AATK: variants seen among roughly 807,000 people sequenced by gnomAD.
AATK encodes lemur tail kinase 1.
In AATK, 91 loss-of-function variants were observed where a neutral mutation model predicts 114.3. The ratio of observed to expected loss-of-function variants is 0.80; its 90% CI spans 0.67 to 0.95. The LOEUF (loss-of-function observed/expected upper bound fraction) is 0.95, where lower values mean the gene tolerates loss of function less well. Among genes scored for constraint, AATK ranks in the 40% least tolerant of loss-of-function variants. The probability of loss-of-function intolerance (pLI) is 0.00; values close to 1 mark genes in which losing one functional copy is unlikely to be tolerated. For synonymous variants in AATK, 1,075 were observed against 916.5 expected, an observed-to-expected ratio of 1.17 and a Z score of -3.12; for missense variants, 2,176 against 1,965.2, an observed-to-expected ratio of 1.11 and a Z score of -2.03.
At position 81,155,675 on chromosome 17, in the gene AATK, C is replaced by T. The variant is rs377114493; in HGVS notation, c.55+10263G>A. Among the ~76,000 whole-genome samples the T allele has an allele frequency of 3.3e-5, 5 of 150,858 alleles. No individual in the cohort carries two copies. In the East Asian group the frequency reaches 9.8e-4, roughly 30 times the overall value. The stretch of plus-strand genomic sequence containing the variant: ...CTGGGATTGCAGGCATGAGCCAGCG[C>T]GCCCGACCTATAATATTTCTTTTTT... On this transcript the variant is annotated intron_variant, in intron 1 of 13. Transcript: ENST00000326724.
rs2061345789 is a variant in AATK, at chr17:81,155,191, T to G, written c.55+10747A>C. 3.9e-5 allele frequency among the ~76,000 whole-genome samples: 6 copies of G among 152,312 alleles called. No homozygotes were observed. In the South Asian group the frequency reaches 1.2e-3, roughly 32 times the overall value. The stretch of plus-strand genomic sequence containing the variant: ...ATTCGCATTTGGGCAAGATAAAATT[T>G]CTCAAGACCCTGGCTCTGTGGGCGA... On this transcript the variant is annotated intron_variant, in intron 1 of 13. Coordinates refer to ENST00000326724, the MANE Select transcript of AATK (RefSeq NM_001080395.3).
intron 4 of AATK, among the ~76,000 whole-genome samples, chr17:81,128,161 T>A (rs2060875235): frequency 6.7e-6 from 1 of 150,004 alleles, no homozygotes. Context: ...TCTCTCTCTC[T>A]GGGGGTTTGA....
intron 1 of AATK, among the ~76,000 whole-genome samples, chr17:81,144,562 C>A (rs1023076673): frequency 6.6e-6 from 1 of 152,232 alleles, no homozygotes; most frequent in Non-Finnish European, 1.5e-5. Context: ...CACAGGGCTC[C>A]CTTGAGAGCC....
rs1449450790 is a variant in AATK, at chr17:81,121,823, C to T, written c.2113G>A (p.Ala705Thr). ...SWDPVSAGGH[A>T]EGCPSPKQTP... ...TGCTTTGGACTGGGGCAGCCCTCAG[C>T]GTGGCCGCCCGCAGAGACGGGGTCC... is the stretch of plus-strand genomic sequence containing the variant. Residue 705 changes from alanine to threonine, a missense_variant, in exon 11 of 14, where the codon GCT (alanine) becomes ACT (threonine). By Grantham distance (58) the Ala-to-Thr change is moderately conservative (BLOSUM62 0). Transcript: ENST00000326724. The T allele has an allele frequency of 4.4e-6, 7 of 1,588,804 alleles. No homozygotes were observed. The highest frequency in any genetic ancestry group is 3.4e-5 in the Admixed American group (2 of 58,900).
Position 81,121,613 on chromosome 17 carries a change from G to T in AATK, c.2323C>A (p.His775Asn), listed in dbSNP as rs764669123. The change falls in exon 11 of 14, where the codon CAC (histidine) becomes AAC (asparagine). Residue 775 changes from histidine to asparagine, a missense_variant. Physicochemically the swap from His to Asn is moderately conservative, Grantham distance 68. Around this residue, in one of 4 missense-constraint regions of AATK, gnomAD observed 1,701 missense variants for 1,394.7 expected, o/e 1.22. Coordinates refer to ENST00000326724, the MANE Select transcript of AATK (RefSeq NM_001080395.3). ...GCAAGCTTGGGCTCTGCCTGCGGGT[G>T]GTCACCCCCACTACTGGCTGTCTCT... ...WTETASSGGD[H>N]PQAEPKLATE... 2.4e-5 allele frequency: 36 copies of T among 1,494,932 alleles called. No individual in the cohort carries two copies. The East Asian group carries it at 7.7e-4, about 32-fold the overall frequency. The allele number at this position is 1,494,932 out of a possible 1,614,324, so 92.6% of individuals were successfully genotyped here.
intron 1 of AATK, among the ~76,000 whole-genome samples, chr17:81,160,044 C>T (rs995392225): frequency 6.6e-6 from 1 of 152,166 alleles, no homozygotes; most frequent in Non-Finnish European, 1.5e-5. Context: ...GGGTAGCATC[C>T]TGCCCCTCAC....
chr17:81,119,312 C>T (rs1327288210), intron 13 of AATK, 68 bp downstream of exon 13: 1 of 1,447,714 alleles, frequency 6.9e-7, no homozygotes, highest in South Asian at 1.3e-5. Context: ...GACGGAGGGG[C>T]CCCACCCTCG....
At chr17:81,135,847 G>C (rs2061001416) in intron 1 of AATK, 1 of 152,574 alleles carries the variant, frequency 6.6e-6, no homozygotes, top group African/African-American at 2.4e-5. Context: ...AGGAGGCAGG[G>C]GGCGGCCAGC....
intron 1 of AATK, among the ~76,000 whole-genome samples, chr17:81,162,313 A>AACTCATGG (rs932588291): frequency 1.3e-5 from 2 of 151,770 alleles, no homozygotes; most frequent in African/African-American, 4.8e-5. Flanking sequence ...GGATGGGCCG[A>AACTCATGG]ACTCATGGGC....
intron 1 of AATK, among the ~76,000 whole-genome samples, chr17:81,142,939 T>C (rs2061159921): frequency 6.6e-6 from 1 of 152,192 alleles, no homozygotes; most frequent in Non-Finnish European, 1.5e-5. Context: ...GACAGGAGGC[T>C]CCTGGGACTC....
At chr17:81,165,661 G>T (rs893129961) in intron 1 of AATK, 51 of 1,500,040 alleles carry the variant, frequency 3.4e-5, no homozygotes, top group Non-Finnish European at 4.1e-5. Context: ...GGCCCACGCA[G>T]GCCCTCCGTG....
rs139267162 is a variant in AATK at position 81,126,540 on chromosome 17, C to T, written c.642G>A (p.Leu214=). ...TGGACTCCGCCACCCGGCAGCTCCG[C>T]AGGTAGCCCTTGAGGTCCCCCTGCA... is the stretch of plus-strand genomic sequence containing the variant. The part of the protein sequence containing the change: ...FCPLGDLKGY[L]RSCRVAESMA... Residue 214 remains leucine (L), a synonymous_variant, in exon 7 of 14, where the codon CTG becomes CTA. Transcript: ENST00000326724. The surrounding 1 kb of genome is among the most constrained non-coding windows in gnomAD (Gnocchi z 5.1). 17,362 of 1,547,098 alleles carry T rather than the reference C, an allele frequency of 0.011. 120 individuals are homozygous for T. Among genetic ancestry groups the T allele is most frequent in the Non-Finnish European group, 0.012 (14,022 of 1,144,268 alleles).
In AATK at chr17:81,121,374, C is replaced by T. The variant is rs1479391367; in HGVS notation, c.2562G>A (p.Glu854=). The change falls in exon 11 of 14, where the codon GAG becomes GAA. Residue 854 remains glutamate, a synonymous_variant. Coordinates refer to ENST00000326724, the MANE Select transcript of AATK (RefSeq NM_001080395.3). ...TGTCCTCATCCTCACTGCTGGGTGC[C>T]TCCACCTCGGGAGAGCTGCTGCTGC... is the stretch of plus-strand genomic sequence containing the variant. ...LNGSSSSPEV[E]APSSEDEDTA... The T allele has an allele frequency of 6.2e-7, 1 of 1,611,480 alleles. No homozygotes were observed. The highest frequency in any genetic ancestry group is 8.5e-7 in the Non-Finnish European group (1 of 1,179,444).
chr17:81,132,388 GC>G, intron 2 of AATK, among the ~76,000 whole-genome samples: 1 of 152,228 alleles, frequency 6.6e-6, no homozygotes, highest in South Asian at 2.1e-4. Context: ...TCCCTGGGCT[GC>G]AAAGAGAGGG....
intron 13 of AATK, 35 bp from the exon 14 acceptor site, chr17:81,118,477 C>G (rs745834815): frequency 6.3e-7 from 1 of 1,599,144 alleles, no homozygotes; most frequent in Admixed American, 1.7e-5. Context: ...ACACAGGGTT[C>G]TGAGACACCA....
intron 1 of AATK, among the ~76,000 whole-genome samples, chr17:81,164,820 A>C (rs2061467069): frequency 1.3e-5 from 2 of 152,132 alleles, no homozygotes; most frequent in Admixed American, 6.5e-5. Context: ...TCCGAGCCCC[A>C]GGGGTCACTA....
chr17:81,164,379 G>A (rs1288511106), intron 1 of AATK, among the ~76,000 whole-genome samples: 1 of 152,180 alleles, frequency 6.6e-6, no homozygotes, highest in Non-Finnish European at 1.5e-5. Context: ...AGCACCTTGG[G>A]CAGCCCCTCC....
chr17:81,153,308 C>T (rs2061320590), intron 1 of AATK, among the ~76,000 whole-genome samples: 1 of 152,152 alleles, frequency 6.6e-6, no homozygotes, highest in Admixed American at 6.5e-5. Context: ...AAATGGATTT[C>T]AATAGAGTCC....
Position 81,122,154 on chromosome 17 carries a change from G to A in AATK, c.1782C>T (p.Tyr594=). The stretch of plus-strand genomic sequence containing the variant: ...GGTCCCGCGCCAAGCTTCTGCGAGG[G>A]TAGTGGTCGCCGCGGCCCCAGGGGA... ...VDVPWGRGDH[Y]PRRSLARDPL... is the part of the protein sequence containing the mutation. The change falls in exon 11 of 14, where the codon TAC becomes TAT. Residue 594 remains tyrosine (Y), a synonymous_variant. Coordinates refer to ENST00000326724, the MANE Select transcript of AATK (RefSeq NM_001080395.3). The A allele has an allele frequency of 6.6e-7, 1 of 1,521,582 alleles. No individual in the cohort carries two copies. The highest frequency in any genetic ancestry group is 8.8e-7 in the Non-Finnish European group (1 of 1,135,636). 94.3% of individuals were successfully genotyped at this position (1,521,582 alleles called of 1,614,324 possible). A position where few individuals can be genotyped will look rare whatever the true frequency, so the allele number is the denominator to read the frequency against.
Sources: allele counts gnomAD v4.1 joint callset (sites outside exome capture counted in the v4.1 genomes callset), GRCh38; gene constraint gnomAD v4.1.1; regional missense constraint gnomAD v4.1.1; non-coding constraint Gnocchi (gnomAD v3.1); transcripts MANE v1.5; gene names NCBI Gene and HGNC (gene_info 2026-07-23, HGNC 2026-07-21).